Variants in RGPD4 observed in about 807,000 individuals in gnomAD.
The protein encoded by RGPD4 is ranBP2-like and GRIP domain-containing protein 4.
In RGPD4, 84 loss-of-function variants were observed where a neutral mutation model predicts 141.1. That is an observed-to-expected ratio of 0.60 (90% CI 0.50 to 0.71). RGPD4 has a LOEUF of 0.71. Ranked by LOEUF, RGPD4 falls within the 30% of genes least tolerant of loss-of-function variation. The pLI is 0.00. For missense variants in RGPD4, 918 were observed against 1,622.4 expected (o/e 0.57, Z 7.46); for synonymous variants, 298 against 566.8 (o/e 0.53, Z 6.74).
intron 20 of RGPD4, 77 bp from the exon 21 acceptor site, chr2:107,879,891 T>C (rs908079145): frequency 9.0e-6 from 14 of 1,549,128 alleles, no homozygotes; most frequent in Non-Finnish European, 1.2e-5. Context: ...GATATTTATA[T>C]TTAGATTTTT....
At position 107,872,126 on chromosome 2, in the gene RGPD4, G is replaced by A. The variant is rs1558815676; in HGVS notation, c.4122G>A (p.Trp1374Ter). ...LYRYDKDVGQ[W>*]KERGIGDIKI... Reference sequence around the variant, plus strand: ...GATATGATAAAGATGTTGGTCAATGGAAAGAAAGGGGCATTGGTGATATAA... The same window carrying A: ...GATATGATAAAGATGTTGGTCAATGAAAAGAAAGGGGCATTGGTGATATAA... Residue 1374 changes from tryptophan to a stop codon, truncating the protein, a stop_gained, in exon 20 of 23, where the codon TGG (tryptophan) becomes TGA (stop). Transcript: ENST00000408999. LOFTEE classifies it high-confidence loss of function. The A allele has an allele frequency of 6.2e-7, 1 of 1,611,404 alleles. No homozygotes were observed. The highest frequency in any genetic ancestry group is 8.5e-7 in the Non-Finnish European group (1 of 1,179,856).
rs1195292488 is a variant in RGPD4, at chr2:107,847,593, C to T, written c.783-748C>T. 3.4e-5 allele frequency among the ~76,000 whole-genome samples: 2 copies of T among 58,286 alleles called. 1 individual carries two copies. Among genetic ancestry groups the T allele is most frequent in the Non-Finnish European group, 7.2e-5 (2 of 27,838 alleles). The allele number at this position is 58,286 out of a possible 152,430, so 38.2% of individuals were successfully genotyped here. A position where few individuals can be genotyped will look rare whatever the true frequency, so the allele number is the denominator to read the frequency against. On this transcript the variant is annotated intron_variant, in intron 6 of 22. Transcript: ENST00000408999. ...ATCCCGGCACATTGGTAAGCTGAGG[C>T]GGGCGGATCGTGAGGTCAGGAGTTC... is the stretch of plus-strand genomic sequence containing the variant.
At chr2:107,854,414 TTGCAG>T (rs1266796099) in intron 7 of RGPD4, 137 bp from the exon 8 acceptor site, 2 of 696,968 alleles carry the variant, frequency 2.9e-6, no homozygotes, top group Non-Finnish European at 4.8e-6. Flanking sequence ...TTCCCAGTTT[TTGCAG>T]TCTTTTCCAA....
intron 1 of RGPD4, among the ~76,000 whole-genome samples, chr2:107,830,355 A>C (rs1254604187): frequency 6.6e-6 from 1 of 151,914 alleles, no homozygotes; most frequent in South Asian, 2.1e-4. Flanking sequence ...AAAAAAAAAA[A>C]AAAAGCATGT....
intron 20 of RGPD4, among the ~76,000 whole-genome samples, chr2:107,875,567 C>G (rs545802477): frequency 0.044 from 6,329 of 144,918 alleles, 204 homozygotes; most frequent in Non-Finnish European, 0.062. Flanking sequence ...TTCTTCTTTA[C>G]ATTAGTAGAT....
chr2:107,829,784 T>A (rs1396263819), intron 1 of RGPD4, among the ~76,000 whole-genome samples: 2 of 151,778 alleles, frequency 1.3e-5, no homozygotes, highest in African/African-American at 4.8e-5. Flanking sequence ...CCTGGGCCCG[T>A]CCTGGCCCGG....
intron 1 of RGPD4, among the ~76,000 whole-genome samples, chr2:107,829,797 T>C (rs1681407057): frequency 6.6e-6 from 1 of 152,060 alleles, no homozygotes; most frequent in Non-Finnish European, 1.5e-5. Context: ...TGGCCCGGGC[T>C]TTCTGGCCCC....
At chr2:107,863,719 C>G (rs2104471032) in intron 17 of RGPD4, among the ~76,000 whole-genome samples, 1 of 152,018 alleles carries the variant, frequency 6.6e-6, no homozygotes. Flanking sequence ...TTTTGAACTT[C>G]TGACCTCAGG....
chr2:107,830,037 A>G (rs1317603455), intron 1 of RGPD4, among the ~76,000 whole-genome samples: 1 of 151,884 alleles, frequency 6.6e-6, no homozygotes, highest in South Asian at 2.1e-4. Flanking sequence ...GGACGGCGCA[A>G]ATGACACGGA....
intron 22 of RGPD4, among the ~76,000 whole-genome samples, chr2:107,887,417 T>G (rs1226558070): frequency 6.6e-6 from 1 of 152,184 alleles, no homozygotes; most frequent in Non-Finnish European, 1.5e-5. Flanking sequence ...GCTCTAGATA[T>G]AAAATGTTTA....
chr2:107,884,100 T>G (rs1053097908), intron 22 of RGPD4, among the ~76,000 whole-genome samples: 6 of 151,526 alleles, frequency 4.0e-5, no homozygotes, highest in Non-Finnish European at 7.4e-5. Flanking sequence ...TCCTTAAGCT[T>G]TATTTTGTTG....
intron 20 of RGPD4, among the ~76,000 whole-genome samples, chr2:107,878,416 T>G (rs1478677271): frequency 6.7e-6 from 1 of 149,396 alleles, no homozygotes; most frequent in East Asian, 1.9e-4. Flanking sequence ...TGATACGGAG[T>G]CTGTGTCTTC....
intron 1 of RGPD4, among the ~76,000 whole-genome samples, chr2:107,830,305 C>G (rs1390804595): frequency 2.0e-5 from 3 of 149,614 alleles, no homozygotes; most frequent in African/African-American, 7.4e-5. Context: ...AGGTGTGAGC[C>G]ACTCTGCTCA....
chr2:107,877,250 TG>T (rs1339561801), intron 20 of RGPD4, among the ~76,000 whole-genome samples: 4 of 150,470 alleles, frequency 2.7e-5, no homozygotes, highest in Middle Eastern at 3.4e-3. Flanking sequence ...GGCATGCACC[TG>T]GAAGTCCCAG....
chr2:107,834,600 G>A (rs560119826), intron 1 of RGPD4, among the ~76,000 whole-genome samples: 3 of 151,962 alleles, frequency 2.0e-5, no homozygotes, highest in African/African-American at 7.3e-5. Context: ...TTGTGTTCAA[G>A]TAACCCTTAT....
intron 20 of RGPD4, among the ~76,000 whole-genome samples, chr2:107,874,748 G>T (rs1170998448): frequency 6.6e-6 from 1 of 150,604 alleles, no homozygotes; most frequent in African/African-American, 2.5e-5. Context: ...AGGGACCTTA[G>T]AAATGAAGAC....
Position 107,870,837 on chromosome 2 carries a change from A to G in RGPD4, c.2833A>G (p.Thr945Ala). 1 of 1,610,342 alleles carries G rather than the reference A, an allele frequency of 6.2e-7. No homozygotes were observed. The highest frequency in any genetic ancestry group is 8.5e-7 in the Non-Finnish European group (1 of 1,179,268). The change falls in exon 20 of 23, where the codon ACT becomes GCT. Residue 945 changes from threonine (T) to alanine (A), a missense_variant. Thr to Ala is a moderately conservative substitution (Grantham distance 58). Coordinates refer to ENST00000408999, the MANE Select transcript of RGPD4 (RefSeq NM_182588.3). The part of the protein sequence containing the change: ...KESEKPLEND[T>A]GFQAQDISGQ... The stretch of plus-strand genomic sequence containing the variant: ...AAGTGAAAAGCCTCTTGAAAATGAT[A>G]CTGGCTTCCAGGCTCAGGATATTAG...
chr2:107,828,542 G>C (rs1438116437), intron 1 of RGPD4, among the ~76,000 whole-genome samples: 154 of 113,982 alleles, frequency 1.4e-3, no homozygotes, highest in Middle Eastern at 0.017. Flanking sequence ...AGGCGTCATG[G>C]CTCCCGACGG....
In RGPD4 at chr2:107,826,974, C is replaced by G. The variant is rs181361093; in HGVS notation, c.-40C>G. 3 of 1,578,284 alleles carry G rather than the reference C, an allele frequency of 1.9e-6. No homozygotes were observed. The highest frequency in any genetic ancestry group is 2.6e-6 in the Non-Finnish European group (3 of 1,163,698). On this transcript the variant is annotated 5_prime_UTR_variant, in exon 1 of 23. Coordinates refer to ENST00000408999, the MANE Select transcript of RGPD4 (RefSeq NM_182588.3). ...AATTGGCGACTGCTGCGGGGCTGAG[C>G]GCTGGTTTCACGCGTCTCGGGAGCC...
Sources: allele counts gnomAD v4.1 joint callset (sites outside exome capture counted in the v4.1 genomes callset), GRCh38; gene constraint gnomAD v4.1.1; transcripts MANE v1.5; gene names NCBI Gene and HGNC (gene_info 2026-07-23, HGNC 2026-07-21).